OLFM3: variants seen among roughly 807,000 people sequenced by gnomAD.
OLFM3 encodes the protein olfactomedin 3.
In OLFM3, 20 loss-of-function variants were observed where a neutral mutation model predicts 48.6. The observed-to-expected ratio is 0.41, with a 90% CI of 0.29 to 0.60. OLFM3 has a LOEUF of 0.60. Among genes scored for constraint, OLFM3 ranks in the 20% least tolerant of loss-of-function variants. The pLI is 0.28. For missense variants in OLFM3, 437 were observed against 544.3 expected, an observed-to-expected ratio of 0.80 and a Z score of 1.96; for synonymous variants, 222 against 198.1, an observed-to-expected ratio of 1.12 and a Z score of -1.01.
At chr1:101,836,580 ATC>A (rs1655421027) in intron 2 of OLFM3, among the ~76,000 whole-genome samples, 1 of 147,060 alleles carries the variant, frequency 6.8e-6, no homozygotes, top group South Asian at 2.3e-4. Flanking sequence ...AATTTTTGGC[ATC>A]AGAATAAGAT....
chr1:101,990,156 A>G (rs906107224), intron 1 of OLFM3, among the ~76,000 whole-genome samples: 1 of 152,136 alleles, frequency 6.6e-6, no homozygotes, highest in South Asian at 2.1e-4. Context: ...TTTTTTCCTA[A>G]GAAACTTGTA....
chr1:101,852,912 C>T (rs1656279284), intron 1 of OLFM3, among the ~76,000 whole-genome samples: 1 of 151,938 alleles, frequency 6.6e-6, no homozygotes, highest in African/African-American at 2.4e-5. Context: ...TATTTTGTAC[C>T]ATCCCAGCTG....
At chr1:101,855,207 CT>C (rs1656366558) in intron 1 of OLFM3, among the ~76,000 whole-genome samples, 1 of 152,026 alleles carries the variant, frequency 6.6e-6, no homozygotes, top group Non-Finnish European at 1.5e-5. Context: ...TTATTTAAGC[CT>C]GTCAGCCAGG....
At chr1:101,907,081 T>C (rs1442116434) in intron 1 of OLFM3, among the ~76,000 whole-genome samples, 3 of 152,216 alleles carry the variant, frequency 2.0e-5, no homozygotes, top group African/African-American at 7.2e-5. Flanking sequence ...AGCTACAAGA[T>C]AAATGTGACT....
Position 101,804,807 on chromosome 1 carries a change from A to T in OLFM3, c.808T>A (p.Trp270Arg). Residue 270 changes from tryptophan to arginine, a missense_variant, in exon 6 of 6, where the codon TGG becomes AGG. Around this residue, in one of 3 missense-constraint regions of OLFM3, gnomAD observed 314 missense variants for 365.5 expected, o/e 0.86. Coordinates refer to ENST00000370103, the MANE Select transcript of OLFM3 (RefSeq NM_058170.4). The surrounding 1 kb of genome is among the most constrained non-coding windows in gnomAD (Gnocchi z 4.5). ...TAGACAACATGGTTAGTTCCTGCCCACTTGAAAGGAAGGTTGTATGTCCTT... is the reference window on the plus strand; with the variant it reads ...TAGACAACATGGTTAGTTCCTGCCCTCTTGAAAGGAAGGTTGTATGTCCTT... ...ESRTYNLPFK[W>R]AGTNHVVYNG... The T allele has an allele frequency of 6.2e-7, 1 of 1,612,656 alleles. No individual in the cohort carries two copies. The highest frequency in any genetic ancestry group is 8.5e-7 in the Non-Finnish European group (1 of 1,179,108).
chr1:101,843,866 ATC>A lies in OLFM3; in HGVS notation c.70-6843_70-6842del, dbSNP rs1381796953. The stretch of plus-strand genomic sequence containing the variant: ...TTCTTAAACCATCGTATTTATGTTA[ATC>A]TGTTTTTTTAACCTCTGCGTATTCC... On this transcript the variant is annotated intron_variant, in intron 1 of 5. Transcript: ENST00000370103. Among the ~76,000 whole-genome samples, 6 of 152,222 alleles carry A rather than the reference ATC, an allele frequency of 3.9e-5. No individual in the cohort carries two copies. The South Asian group carries it at 1.0e-3, about 26-fold the overall frequency.
intron 1 of OLFM3, among the ~76,000 whole-genome samples, chr1:101,919,565 A>T (rs777839014): frequency 3.1e-4 from 47 of 152,134 alleles, no homozygotes; most frequent in Admixed American, 2.6e-3. Flanking sequence ...TTTTCATACT[A>T]TTTCACCATT....
At chr1:101,838,989 T>C (rs1239068593) in intron 1 of OLFM3, among the ~76,000 whole-genome samples, 1 of 152,168 alleles carries the variant, frequency 6.6e-6, no homozygotes. Context: ...TAACTACTTC[T>C]AGGTGCCGAT....
intron 1 of OLFM3, among the ~76,000 whole-genome samples, chr1:101,860,905 T>C (rs1156335071): frequency 6.6e-6 from 1 of 152,030 alleles, no homozygotes; most frequent in Non-Finnish European, 1.5e-5. Flanking sequence ...CAGTCACCCA[T>C]ATGCTCTGAC....
At chr1:101,868,657 A>G (rs1656950849) in intron 1 of OLFM3, among the ~76,000 whole-genome samples, 1 of 152,238 alleles carries the variant, frequency 6.6e-6, no homozygotes, top group Admixed American at 6.5e-5. Context: ...GAGGAACCAG[A>G]TGTTAATCAC....
At chr1:101,857,380 C>G (rs1438499038) in intron 1 of OLFM3, among the ~76,000 whole-genome samples, 1 of 151,802 alleles carries the variant, frequency 6.6e-6, no homozygotes, top group African/African-American at 2.4e-5. Context: ...AAACATTATT[C>G]AACAAGTAAT....
chr1:101,909,455 T>C (rs1240269455), intron 1 of OLFM3, among the ~76,000 whole-genome samples: 1 of 152,200 alleles, frequency 6.6e-6, no homozygotes, highest in Non-Finnish European at 1.5e-5. Context: ...TGGGGGAAGA[T>C]AGATTATATT....
chr1:101,851,920 G>C (rs1316395352), intron 1 of OLFM3, among the ~76,000 whole-genome samples: 1 of 152,082 alleles, frequency 6.6e-6, no homozygotes, highest in South Asian at 2.1e-4. Context: ...GTCTGATTTA[G>C]CTTTAGGACA....
chr1:101,928,610 A>G (rs757136488), intron 1 of OLFM3, among the ~76,000 whole-genome samples: 21 of 152,254 alleles, frequency 1.4e-4, no homozygotes, highest in Non-Finnish European at 2.4e-4. Flanking sequence ...GGTGAACAAA[A>G]TAAAGTTTCT....
Position 101,968,086 on chromosome 1 carries a change from C to T in OLFM3, c.69+28662G>A, listed in dbSNP as rs146714815. On this transcript the variant is annotated intron_variant, in intron 1 of 5. Transcript: ENST00000370103. ...CCATGATGCATTGGTTTTAACAAGG[C>T]AGCTGAGGCAACAAAACGAGTGGCT... 4.0e-3 allele frequency among the ~76,000 whole-genome samples: 608 copies of T among 152,302 alleles called. 2 individuals carry two copies. Among genetic ancestry groups the T allele is most frequent in the Non-Finnish European group, 6.2e-3 (419 of 68,024 alleles).
chr1:101,919,185 G>GA (rs1160987293), intron 1 of OLFM3, among the ~76,000 whole-genome samples: 2 of 151,748 alleles, frequency 1.3e-5, no homozygotes, highest in African/African-American at 2.4e-5. Flanking sequence ...TACTAGTTTT[G>GA]AAAAAAATAA....
rs367926539 is a variant in OLFM3, at chr1:101,994,850, T to C, written c.69+1898A>G. On this transcript the variant is annotated intron_variant, in intron 1 of 5. Transcript: ENST00000370103. ...CAGTTTGAAAAGTTAATGTATGCCT[T>C]CCCTGGATTTTTCAGCTCATTTGTA... 6.6e-5 allele frequency among the ~76,000 whole-genome samples: 10 copies of C among 152,090 alleles called. No individual in the cohort carries two copies. The East Asian group carries it at 1.3e-3, about 21-fold the overall frequency.
chr1:101,812,511 C>T, intron 4 of OLFM3: 1 of 985,280 alleles, frequency 1.0e-6, no homozygotes, highest in Non-Finnish European at 1.2e-6. Flanking sequence ...TGTGCATAAT[C>T]CGATGTTGAT....
chr1:101,988,195 T>C (rs1661305299), intron 1 of OLFM3, among the ~76,000 whole-genome samples: 1 of 152,082 alleles, frequency 6.6e-6, no homozygotes, highest in African/African-American at 2.4e-5. Flanking sequence ...ATTTATCAAA[T>C]AAAGCTAAGA....
Sources: gnomAD v4.1 joint callset for allele counts (sites outside exome capture counted in the v4.1 genomes callset) on GRCh38, gnomAD v4.1.1 for gene constraint, gnomAD v4.1.1 regional missense constraint, Gnocchi (gnomAD v3.1) non-coding constraint, MANE v1.5 for transcripts, NCBI Gene and HGNC (gene_info 2026-07-23, HGNC 2026-07-21) for gene names.